The following PKP1 variants were observed in gnomAD, a reference collection of about 807,000 sequenced individuals.
The protein encoded by PKP1 is plakophilin-1.
In PKP1, 27 loss-of-function variants were observed where a neutral mutation model predicts 76.4. The observed-to-expected ratio is 0.35, with a 90% CI of 0.26 to 0.49. The LOEUF (loss-of-function observed/expected upper bound fraction) is 0.49, where lower values mean the gene tolerates loss of function less well. Ranked by LOEUF, PKP1 falls within the 20% of genes least tolerant of loss-of-function variation. The pLI, the probability that PKP1 is intolerant of heterozygous loss-of-function variation, is 0.99. For synonymous variants in PKP1, 404 were observed against 384.2 expected (o/e 1.05, Z -0.60); for missense variants, 964 against 955.2 (o/e 1.01, Z -0.12).
intron 9 of PKP1, 152 bp from the exon 10 acceptor site, chr1:201,324,276 G>A (rs757398341): frequency 1.8e-5 from 14 of 765,352 alleles, no homozygotes; most frequent in East Asian, 5.3e-5. Flanking sequence ...GTTAGCCTAG[G>A]TTTCTGTAGT....
chr1:201,285,856 C>T (rs187573861), intron 1 of PKP1, among the ~76,000 whole-genome samples: 2 of 152,322 alleles, frequency 1.3e-5, no homozygotes, highest in East Asian at 3.9e-4. Flanking sequence ...CTCCCAAGGT[C>T]CCCCAGGGGG....
Position 201,324,174 on chromosome 1 carries a change from G to A in PKP1, c.1681-254G>A, listed in dbSNP as rs1341630. ...CTGGAAGCTAACTCTGGGTCACTAT[G>A]AGTAGGGGAAATGAGACTTCCCTCT... On this transcript the variant is annotated intron_variant, in intron 9 of 13. Transcript: ENST00000367324. Among the ~76,000 whole-genome samples the A allele has an allele frequency of 7.4e-3, 1,125 of 152,284 alleles. 11 individuals carry two copies. Among genetic ancestry groups the A allele is most frequent in the African/African-American group, 0.026 (1,060 of 41,534 alleles).
intron 6 of PKP1, 105 bp from the exon 7 acceptor site, chr1:201,320,162 C>T: frequency 1.3e-6 from 1 of 769,720 alleles, no homozygotes. Flanking sequence ...CCCTCTCCTG[C>T]CTGTTCTCTC....
In PKP1 at chr1:201,322,034, G is replaced by A. The variant is rs1393983053; in HGVS notation, c.1404G>A (p.Glu468=). The change falls in exon 8 of 14, where the codon GAG becomes GAA. Residue 468 remains glutamate, a synonymous_variant. Coordinates refer to ENST00000367324, the MANE Select transcript of PKP1 (RefSeq NM_001005337.3). Reference sequence around the variant, plus strand: ...ACCTCTCCTACCGCCTGGACGCCGAGGTGCCCACCCGCTACCGCCAGCTGG... The same window carrying A: ...ACCTCTCCTACCGCCTGGACGCCGAAGTGCCCACCCGCTACCGCCAGCTGG... ...LHNLSYRLDA[E]VPTRYRQLEY... 1.2e-6 allele frequency: 2 copies of A among 1,614,042 alleles called. No individual in the cohort carries two copies. Among genetic ancestry groups the A allele is most frequent in the Non-Finnish European group, 1.7e-6 (2 of 1,180,028 alleles).
rs1656805951 is a variant in PKP1 at position 201,317,750 on chromosome 1, G to A, written c.1025G>A (p.Gly342Glu). Residue 342 changes from glycine to glutamate, a missense_variant, in exon 5 of 14, where the codon GGG (glycine) becomes GAG (glutamate). Physicochemically the swap from Gly to Glu is moderately conservative, Grantham distance 98 (BLOSUM62 -2). Transcript: ENST00000367324. The part of the protein sequence containing the change: ...REAVSLLRRT[G>E]NAEIQKQLTG... The stretch of plus-strand genomic sequence containing the variant: ...GCAGTCAGCCTCCTGAGGAGAACCG[G>A]GAACGCCGAGATCCAGAAGCAGCTG... The A allele has an allele frequency of 1.2e-6, 2 of 1,613,630 alleles. No individual in the cohort carries two copies. Among genetic ancestry groups the A allele is most frequent in the South Asian group, 1.1e-5 (1 of 91,056 alleles).
intron 12 of PKP1, among the ~76,000 whole-genome samples, chr1:201,326,659 T>C (rs771607489): frequency 2.0e-5 from 3 of 151,626 alleles, no homozygotes; most frequent in Non-Finnish European, 2.9e-5. Context: ...TTTGGAGAGG[T>C]TGAGTTTGGA....
rs111286637 is a variant in PKP1 at position 201,308,062 on chromosome 1, A to G, written c.307-5104A>G. Among the ~76,000 whole-genome samples the G allele has an allele frequency of 6.3e-3, 955 of 152,352 alleles. 12 individuals are homozygous for G. The highest frequency in any genetic ancestry group is 0.022 in the African/African-American group (903 of 41,578). ...CTCTTTTCATCATACCCAGCTCCCA[A>G]GGAGTCCAGCAGCTTCTGTCTGTCC... On this transcript the variant is annotated intron_variant, in intron 2 of 13. Coordinates refer to ENST00000367324, the MANE Select transcript of PKP1 (RefSeq NM_001005337.3).
chr1:201,287,603 T>C (rs1159372721), intron 1 of PKP1, among the ~76,000 whole-genome samples: 1 of 152,246 alleles, frequency 6.6e-6, no homozygotes, highest in South Asian at 2.1e-4. Flanking sequence ...TTCTTTACAA[T>C]GTACCTTGGC....
intron 3 of PKP1, among the ~76,000 whole-genome samples, chr1:201,314,286 C>A (rs1290273013): frequency 6.6e-6 from 1 of 152,100 alleles, no homozygotes; most frequent in East Asian, 1.9e-4. Context: ...CATGATGAAA[C>A]CTTGTCTCTA....
intron 2 of PKP1, among the ~76,000 whole-genome samples, chr1:201,311,705 G>C (rs781459457): frequency 6.6e-6 from 1 of 151,966 alleles, no homozygotes; most frequent in Non-Finnish European, 1.5e-5. Context: ...CTCTCTCAGG[G>C]AGGGGCAGGG....
rs854715 is a variant in PKP1 at position 201,284,153 on chromosome 1, A to G, written c.202+249A>G. Among the ~76,000 whole-genome samples, 142,591 of 152,304 alleles carry G rather than the reference A, an allele frequency of 0.94. 66,811 individuals carry two copies. The highest frequency in any genetic ancestry group is 1 in the East Asian group (5,169 of 5,170). ...GCGCGCTAGTGGGCAAGGATGGGTG[A>G]TTCACCGGGACACAGCCAGGAGCAT... On this transcript the variant is annotated intron_variant, in intron 1 of 13. Transcript: ENST00000367324.
chr1:201,294,146 T>C, intron 2 of PKP1, 101 bp downstream of exon 2: 2 of 799,278 alleles, frequency 2.5e-6, no homozygotes, highest in South Asian at 1.5e-5. Flanking sequence ...AAGAGTGATG[T>C]AGGCTTTGGT....
rs138051909 is a variant in PKP1, at chr1:201,315,057, C to T, written c.702-1496C>T. On this transcript the variant is annotated intron_variant, in intron 3 of 13. Coordinates refer to ENST00000367324, the MANE Select transcript of PKP1 (RefSeq NM_001005337.3). Reference sequence around the variant, plus strand: ...AGCAGAACCCCGTTATAGAGCTAGACGTTTCCGAACTACCTGATGGCCGTA... The same window carrying T: ...AGCAGAACCCCGTTATAGAGCTAGATGTTTCCGAACTACCTGATGGCCGTA... Among the ~76,000 whole-genome samples, 22 of 152,350 alleles carry T rather than the reference C, an allele frequency of 1.4e-4. No individual in the cohort carries two copies. The East Asian group carries it at 1.7e-3, about 12-fold the overall frequency.
chr1:201,313,018 T>C (rs1656606014), intron 2 of PKP1, 148 bp from the exon 3 acceptor site: 3 of 801,628 alleles, frequency 3.7e-6, no homozygotes, highest in African/African-American at 1.7e-5. Context: ...ATATATCAGA[T>C]GATGGCTCAG....
At chr1:201,294,509 C>T (rs1656020449) in intron 2 of PKP1, among the ~76,000 whole-genome samples, 1 of 152,172 alleles carries the variant, frequency 6.6e-6, no homozygotes. Flanking sequence ...AGTGGAGCCT[C>T]CCTGACAACC....
intron 3 of PKP1, among the ~76,000 whole-genome samples, chr1:201,314,352 C>T (rs1451209056): frequency 6.6e-6 from 1 of 152,184 alleles, no homozygotes; most frequent in South Asian, 2.1e-4. Context: ...GTCCCAGCTA[C>T]TCAGAAGGCT....
chr1:201,316,510 C>T lies in PKP1; in HGVS notation c.702-43C>T, dbSNP rs1223099803. 2.6e-6 allele frequency: 4 copies of T among 1,566,396 alleles called. No individual in the cohort carries two copies. The South Asian group carries it at 4.7e-5, about 18-fold the overall frequency. The stretch of plus-strand genomic sequence containing the variant: ...AATTCTGAGCCCCCTCAGCAGGGCT[C>T]CCAGCCCACCCCGTAACCACCCCCA... On this transcript the variant is annotated intron_variant, in intron 3 of 13. Transcript: ENST00000367324.
intron 1 of PKP1, among the ~76,000 whole-genome samples, chr1:201,291,511 G>T (rs567181917): frequency 1.3e-5 from 2 of 152,272 alleles, no homozygotes; most frequent in East Asian, 1.9e-4. Flanking sequence ...GGAGGAGATG[G>T]TTAGTCTGAT....
At position 201,290,299 on chromosome 1, in the gene PKP1, G is replaced by T. The variant is rs560989591; in HGVS notation, c.203-3643G>T. On this transcript the variant is annotated intron_variant, in intron 1 of 13. Coordinates refer to ENST00000367324, the MANE Select transcript of PKP1 (RefSeq NM_001005337.3). ...GAGGCACTTGCTCCTTGACCTTGGG[G>T]TTCTGTGGGTGGGCAGATGCTTCCT... 2.0e-5 allele frequency among the ~76,000 whole-genome samples: 3 copies of T among 152,260 alleles called. No homozygotes were observed. The South Asian group carries it at 6.3e-4, about 32-fold the overall frequency.
Sources: allele counts gnomAD v4.1 joint callset (sites outside exome capture counted in the v4.1 genomes callset), GRCh38; gene constraint gnomAD v4.1.1; transcripts MANE v1.5; gene names NCBI Gene and HGNC (gene_info 2026-07-23, HGNC 2026-07-21).